Variants in CNTNAP5 observed in about 807,000 individuals in gnomAD.
CNTNAP5 encodes contactin-associated protein-like 5.
CNTNAP5 carries 72 observed loss-of-function variants against 150.2 expected under a neutral mutation model. The ratio of observed to expected loss-of-function variants is 0.48; its 90% CI spans 0.40 to 0.58. The LOEUF is 0.58. Ranked by LOEUF, CNTNAP5 falls within the 20% of genes least tolerant of loss-of-function variation. The pLI is 0.00. For synonymous variants in CNTNAP5, 672 were observed against 619.8 expected (o/e 1.08, Z -1.25); for missense variants, 1,636 against 1,626.2 (o/e 1.01, Z -0.10).
At chr2:124,629,725 A>G (rs1371778715) in intron 12 of CNTNAP5, among the ~76,000 whole-genome samples, 1 of 151,612 alleles carries the variant, frequency 6.6e-6, no homozygotes, top group East Asian at 1.9e-4. Flanking sequence ...GTGGAACTGG[A>G]GATAGATATA....
At chr2:124,413,760 T>A (rs1248801664) in intron 3 of CNTNAP5, among the ~76,000 whole-genome samples, 1 of 31,030 alleles carries the variant, frequency 3.2e-5, no homozygotes, top group East Asian at 1.6e-3. Context: ...AGGGATAGAA[T>A]TGGGAGATAT....
At chr2:124,710,711 C>T (rs899397289) in intron 13 of CNTNAP5, among the ~76,000 whole-genome samples, 2 of 152,184 alleles carry the variant, frequency 1.3e-5, no homozygotes, top group East Asian at 3.9e-4. Flanking sequence ...ACTGACTCCT[C>T]CCTTCAAAAC....
intron 19 of CNTNAP5, among the ~76,000 whole-genome samples, chr2:124,844,036 T>A (rs1318828560): frequency 6.6e-6 from 1 of 152,124 alleles, no homozygotes; most frequent in Non-Finnish European, 1.5e-5. Context: ...TATTTATATT[T>A]GCTTTTCTTG....
In CNTNAP5 at chr2:124,589,194, C is replaced by T. The variant is rs534887870; in HGVS notation, c.1757-20607C>T. 3.5e-4 allele frequency among the ~76,000 whole-genome samples: 54 copies of T among 152,236 alleles called. 1 individual carries two copies. The South Asian group carries it at 4.0e-3, about 11-fold the overall frequency. On this transcript the variant is annotated intron_variant, in intron 11 of 23. Transcript: ENST00000682447. Reference sequence around the variant, plus strand: ...TACATGGTAAGTCATTCCTCATCTCCCCTCCACCACCCCCAGCCCCTGCAG... The same window carrying T: ...TACATGGTAAGTCATTCCTCATCTCTCCTCCACCACCCCCAGCCCCTGCAG...
At chr2:124,166,296 A>T (rs899040408) in intron 1 of CNTNAP5, among the ~76,000 whole-genome samples, 3 of 152,156 alleles carry the variant, frequency 2.0e-5, no homozygotes, top group African/African-American at 7.2e-5. Flanking sequence ...TTAAAGCATC[A>T]TGTGGGAGAT....
At chr2:124,029,710 C>G (rs1288028336) in intron 1 of CNTNAP5, among the ~76,000 whole-genome samples, 2 of 151,870 alleles carry the variant, frequency 1.3e-5, no homozygotes, top group Non-Finnish European at 2.9e-5. Flanking sequence ...ATCTCGGTTT[C>G]CCTTTACTGA....
At chr2:124,067,368 C>A (rs1028069630) in intron 1 of CNTNAP5, among the ~76,000 whole-genome samples, 2 of 152,158 alleles carry the variant, frequency 1.3e-5, no homozygotes, top group African/African-American at 4.8e-5. Flanking sequence ...CTTGCCCCTT[C>A]TGGCTCTGGA....
chr2:124,526,803 G>A (rs371818428), intron 9 of CNTNAP5, among the ~76,000 whole-genome samples: 1 of 152,068 alleles, frequency 6.6e-6, no homozygotes, highest in South Asian at 2.1e-4. Flanking sequence ...CAGGAACTAA[G>A]CCTGTTAATG....
chr2:124,668,460 C>T (rs929059790), intron 13 of CNTNAP5, among the ~76,000 whole-genome samples: 2 of 152,044 alleles, frequency 1.3e-5, no homozygotes. Context: ...AATAAATTGC[C>T]CTGGAAACTG....
At chr2:124,208,802 C>A (rs536513701) in intron 1 of CNTNAP5, among the ~76,000 whole-genome samples, 23 of 152,250 alleles carry the variant, frequency 1.5e-4, no homozygotes, top group African/African-American at 4.3e-4. Context: ...TCAATTTATT[C>A]ATGTTCTAAA....
intron 17 of CNTNAP5, among the ~76,000 whole-genome samples, chr2:124,785,452 G>T (rs151066322): frequency 6.6e-6 from 1 of 152,270 alleles, no homozygotes; most frequent in African/African-American, 2.4e-5. Flanking sequence ...GGAAATGATC[G>T]GTGGGTAGAA....
intron 3 of CNTNAP5, among the ~76,000 whole-genome samples, chr2:124,362,429 C>T (rs1690238620): frequency 6.6e-6 from 1 of 152,208 alleles, no homozygotes; most frequent in African/African-American, 2.4e-5. Flanking sequence ...AGAATCCTAT[C>T]TCACTGTCTA....
At chr2:124,384,793 C>A (rs775171953) in intron 3 of CNTNAP5, among the ~76,000 whole-genome samples, 60 of 152,292 alleles carry the variant, frequency 3.9e-4, no homozygotes, top group Non-Finnish European at 5.7e-4. Flanking sequence ...ATTTCCCCAG[C>A]GTTCTAACCC....
chr2:124,407,728 G>C (rs1327372782), intron 3 of CNTNAP5, among the ~76,000 whole-genome samples: 1 of 152,152 alleles, frequency 6.6e-6, no homozygotes, highest in East Asian at 1.9e-4. Context: ...TGGGTTCTAG[G>C]TGTGGTGTTT....
At chr2:124,181,371 T>C (rs1020693191) in intron 1 of CNTNAP5, among the ~76,000 whole-genome samples, 1 of 152,132 alleles carries the variant, frequency 6.6e-6, no homozygotes. Context: ...AATCAAGCTG[T>C]AGCAACATAG....
chr2:124,477,283 G>C (rs1306873556), intron 7 of CNTNAP5, among the ~76,000 whole-genome samples: 1 of 151,986 alleles, frequency 6.6e-6, no homozygotes, highest in East Asian at 1.9e-4. Context: ...AAATGACTTT[G>C]TGTTTGTTTT....
chr2:124,137,895 T>A (rs564017626), intron 1 of CNTNAP5, among the ~76,000 whole-genome samples: 1 of 151,986 alleles, frequency 6.6e-6, no homozygotes, highest in Non-Finnish European at 1.5e-5. Flanking sequence ...GGTTCTAAAT[T>A]CAGAAGAAAA....
rs116477397 is a variant in CNTNAP5, at chr2:124,176,894, G to T, written c.83-44811G>T. On this transcript the variant is annotated intron_variant, in intron 1 of 23. Transcript: ENST00000682447. ...CGTTTCTCTCTTGTTGCCCAGGGCG[G>T]AGTGCAATGGCATGATCTTGGCCCA... Among the ~76,000 whole-genome samples, 930 of 144,498 alleles carry T rather than the reference G, an allele frequency of 6.4e-3. 15 individuals are homozygous for T. Among genetic ancestry groups the T allele is most frequent in the African/African-American group, 0.022 (834 of 38,554 alleles). The allele number at this position is 144,498 out of a possible 152,430, so 94.8% of individuals were successfully genotyped here. A position where few individuals can be genotyped will look rare whatever the true frequency, so the allele number is the denominator to read the frequency against.
chr2:124,130,586 T>G (rs1220251599), intron 1 of CNTNAP5, among the ~76,000 whole-genome samples: 1 of 152,128 alleles, frequency 6.6e-6, no homozygotes, highest in Non-Finnish European at 1.5e-5. Context: ...ACCCCATCTA[T>G]GCAAAGCTAT....
Sources: gnomAD v4.1 joint callset for allele counts (sites outside exome capture counted in the v4.1 genomes callset) on GRCh38, gnomAD v4.1.1 for gene constraint, MANE v1.5 for transcripts, NCBI Gene and HGNC (gene_info 2026-07-23, HGNC 2026-07-21) for gene names.